The following FNBP1L variants were observed in gnomAD, a reference collection of about 807,000 sequenced individuals.
The protein encoded by FNBP1L is formin binding protein 1 like.
FNBP1L carries 36 observed loss-of-function variants against 91.2 expected under a neutral mutation model. The observed-to-expected ratio is 0.39, with a 90% CI of 0.30 to 0.52. The LOEUF (loss-of-function observed/expected upper bound fraction) is 0.52. Ranked by LOEUF, FNBP1L falls within the 20% of genes least tolerant of loss-of-function variation. The pLI is 0.66. For missense variants in FNBP1L, 571 were observed against 732.1 expected, an observed-to-expected ratio of 0.78 and a Z score of 2.54; for synonymous variants, 242 against 237.0, an observed-to-expected ratio of 1.02 and a Z score of -0.19.
intron 1 of FNBP1L, among the ~76,000 whole-genome samples, chr1:93,468,807 TG>T (rs1325595040): frequency 6.6e-6 from 1 of 152,216 alleles, no homozygotes; most frequent in Non-Finnish European, 1.5e-5. Flanking sequence ...TTGAGTCATA[TG>T]GTAACTCTAT....
At chr1:93,450,227 C>T (rs1668447518) in intron 1 of FNBP1L, among the ~76,000 whole-genome samples, 1 of 151,904 alleles carries the variant, frequency 6.6e-6, no homozygotes, top group Non-Finnish European at 1.5e-5. Flanking sequence ...TCTACTGTCT[C>T]CTATAATTTG....
At chr1:93,529,785 G>A (rs2101756970) in intron 6 of FNBP1L, 29 bp downstream of exon 6, 3 of 1,272,854 alleles carry the variant, frequency 2.4e-6, no homozygotes, top group Non-Finnish European at 3.3e-6. Context: ...CAACTTTAAT[G>A]TCAAAATATT....
At chr1:93,508,071 G>A (rs953871241) in intron 2 of FNBP1L, among the ~76,000 whole-genome samples, 2 of 151,804 alleles carry the variant, frequency 1.3e-5, no homozygotes, top group Non-Finnish European at 2.9e-5. Flanking sequence ...TGTGTTAGCC[G>A]GGGCGGTGGC....
intron 1 of FNBP1L, among the ~76,000 whole-genome samples, chr1:93,468,912 G>A (rs948435572): frequency 2.0e-5 from 3 of 152,012 alleles, no homozygotes; most frequent in Non-Finnish European, 4.4e-5. Flanking sequence ...CCTTGCCAAC[G>A]GTTGATATCA....
At chr1:93,493,281 C>T (rs57438388) in intron 1 of FNBP1L, among the ~76,000 whole-genome samples, 4,132 of 152,104 alleles carry the variant, frequency 0.027, 176 homozygotes, top group African/African-American at 0.092. Context: ...CCCAGGATTT[C>T]GATGCTGCAG....
intron 1 of FNBP1L, among the ~76,000 whole-genome samples, chr1:93,489,032 G>A (rs913137916): frequency 6.6e-6 from 1 of 152,178 alleles, no homozygotes; most frequent in Non-Finnish European, 1.5e-5. Context: ...ATGGTTTTGA[G>A]CTAAGTAGTA....
chr1:93,455,852 G>A (rs111667858), intron 1 of FNBP1L, among the ~76,000 whole-genome samples: 5,212 of 152,216 alleles, frequency 0.034, 144 homozygotes, highest in Non-Finnish European at 0.051. Flanking sequence ...TGTGCCTTTC[G>A]GCATTTTCCT....
At chr1:93,489,268 T>C (rs1191505526) in intron 1 of FNBP1L, among the ~76,000 whole-genome samples, 3 of 151,708 alleles carry the variant, frequency 2.0e-5, no homozygotes, top group African/African-American at 7.3e-5. Flanking sequence ...TGTATAAAGG[T>C]GGATATGACG....
chr1:93,518,144 G>C (rs191099302), intron 2 of FNBP1L, among the ~76,000 whole-genome samples: 1 of 152,068 alleles, frequency 6.6e-6, no homozygotes, highest in Non-Finnish European at 1.5e-5. Context: ...TAGAGTTCTA[G>C]TTTTTACTAT....
In FNBP1L at chr1:93,546,696, T is replaced by A; in HGVS notation, c.1275-146T>A. 10 of 766,308 alleles carry A rather than the reference T, an allele frequency of 1.3e-5. No homozygotes were observed. The South Asian group carries it at 1.7e-4, about 13-fold the overall frequency. 47.5% of individuals were successfully genotyped at this position (766,308 alleles called of 1,614,324 possible). On this transcript the variant is annotated intron_variant, in intron 12 of 16. Transcript: ENST00000271234. ...GTTATCACCTTTATGCAAATTGTCT[T>A]TAATCAGGTCATGTTAGACAAACTT...
intron 2 of FNBP1L, among the ~76,000 whole-genome samples, chr1:93,516,609 CCTGA>C (rs946848666): frequency 1.3e-4 from 20 of 152,022 alleles, no homozygotes; most frequent in African/African-American, 4.8e-4. Flanking sequence ...TTGAGATCGG[CCTGA>C]CTGACATGGT....
intron 2 of FNBP1L, among the ~76,000 whole-genome samples, chr1:93,504,343 G>A (rs770446615): frequency 1.3e-5 from 2 of 151,980 alleles, no homozygotes; most frequent in African/African-American, 2.4e-5. Flanking sequence ...TAAATATTTC[G>A]GGTAGGCTTA....
chr1:93,476,564 G>A (rs1669502777), intron 1 of FNBP1L, among the ~76,000 whole-genome samples: 1 of 152,196 alleles, frequency 6.6e-6, no homozygotes, highest in South Asian at 2.1e-4. Flanking sequence ...GCATAGAGGG[G>A]TAAGTAAGTA....
intron 1 of FNBP1L, among the ~76,000 whole-genome samples, chr1:93,462,284 T>C (rs144541404): frequency 1.3e-5 from 2 of 152,318 alleles, no homozygotes; most frequent in East Asian, 3.9e-4. Context: ...TTACTTTTTT[T>C]TTAAATTGAT....
At chr1:93,503,604 G>A (rs538761857) in intron 2 of FNBP1L, among the ~76,000 whole-genome samples, 1 of 152,104 alleles carries the variant, frequency 6.6e-6, no homozygotes, top group African/African-American at 2.4e-5. Context: ...TTTGGTTTTG[G>A]TTTGAGGATG....
intron 2 of FNBP1L, among the ~76,000 whole-genome samples, chr1:93,513,721 C>T (rs575240788): frequency 6.6e-6 from 1 of 152,064 alleles, no homozygotes; most frequent in African/African-American, 2.4e-5. Flanking sequence ...ATTCAAGAAC[C>T]CTTCATGCTA....
chr1:93,525,010 G>A (rs1671450698), intron 5 of FNBP1L, among the ~76,000 whole-genome samples: 1 of 150,464 alleles, frequency 6.6e-6, no homozygotes, highest in Non-Finnish European at 1.5e-5. Context: ...TGTTCACGTA[G>A]AACACTGCAG....
chr1:93,534,532 A>G (rs1218593839), intron 8 of FNBP1L, among the ~76,000 whole-genome samples, 173 bp from the exon 9 acceptor site: 2 of 152,172 alleles, frequency 1.3e-5, no homozygotes, highest in Non-Finnish European at 2.9e-5. Flanking sequence ...TGGGATTAAA[A>G]TACTTTGAGT....
chr1:93,484,761 A>G (rs1233049329), intron 1 of FNBP1L, among the ~76,000 whole-genome samples: 3 of 152,244 alleles, frequency 2.0e-5, no homozygotes, highest in Non-Finnish European at 2.9e-5. Context: ...AACTCTAGTT[A>G]TGGTGTTAAC....
Sources: gnomAD v4.1 joint callset for allele counts (sites outside exome capture counted in the v4.1 genomes callset) on GRCh38, gnomAD v4.1.1 for gene constraint, MANE v1.5 for transcripts, NCBI Gene and HGNC (gene_info 2026-07-23, HGNC 2026-07-21) for gene names.